The following SNX30 variants were observed in gnomAD, a reference collection of about 807,000 sequenced individuals.
The protein encoded by SNX30 is sorting nexin family member 30.
Under a neutral mutation model 46.4 loss-of-function variants are expected in SNX30, and 24 were observed. The ratio of observed to expected loss-of-function variants is 0.52; its 90% confidence interval spans 0.37 to 0.73. SNX30 has a LOEUF of 0.73. Among genes scored for constraint, SNX30 ranks in the 30% least tolerant of loss-of-function variants. The pLI is 0.00. For missense variants in SNX30, 533 were observed against 555.7 expected, an observed-to-expected ratio of 0.96 and a Z score of 0.41; for synonymous variants, 189 against 211.5, an observed-to-expected ratio of 0.89 and a Z score of 0.92.
chr9:112,813,763 C>T (rs1840355844), intron 2 of SNX30, among the ~76,000 whole-genome samples: 1 of 151,172 alleles, frequency 6.6e-6, no homozygotes, highest in Admixed American at 6.6e-5. Context: ...CATGAGCCAC[C>T]ACTCCTGGCT....
intron 1 of SNX30, among the ~76,000 whole-genome samples, chr9:112,798,303 A>G (rs1346529022): frequency 1.8e-5 from 1 of 56,828 alleles, no homozygotes; most frequent in South Asian, 7.1e-4. Context: ...CACAGTCCCC[A>G]GAGTGTGATA....
At chr9:112,843,035 G>C (rs547950985) in intron 6 of SNX30, among the ~76,000 whole-genome samples, 2 of 152,298 alleles carry the variant, frequency 1.3e-5, no homozygotes, top group Non-Finnish European at 2.9e-5. Context: ...AATGAAATTA[G>C]GGTAGTGATG....
chr9:112,828,290 A>G (rs1840606728), intron 3 of SNX30, among the ~76,000 whole-genome samples: 1 of 152,114 alleles, frequency 6.6e-6, no homozygotes, highest in Admixed American at 6.6e-5. Flanking sequence ...ATGTTTAGGT[A>G]CCCAAGTACT....
chr9:112,818,479 C>G (rs141337709), intron 3 of SNX30, among the ~76,000 whole-genome samples: 2 of 152,240 alleles, frequency 1.3e-5, no homozygotes, highest in Non-Finnish European at 2.9e-5. Flanking sequence ...ATCCACCGAC[C>G]TCAGCCTCCC....
chr9:112,752,880 G>T (rs1839298303), intron 1 of SNX30, among the ~76,000 whole-genome samples: 1 of 152,178 alleles, frequency 6.6e-6, no homozygotes, highest in African/African-American at 2.4e-5. Context: ...GATTAGGGGA[G>T]GATCCACTTC....
intron 1 of SNX30, among the ~76,000 whole-genome samples, chr9:112,780,976 G>A (rs916010195): frequency 1.3e-5 from 2 of 152,162 alleles, no homozygotes; most frequent in Admixed American, 6.5e-5. Flanking sequence ...GATTCAGCCC[G>A]TCACAGAGTC....
intron 1 of SNX30, among the ~76,000 whole-genome samples, chr9:112,757,777 G>A (rs1205486551): frequency 2.0e-5 from 3 of 152,014 alleles, no homozygotes; most frequent in Admixed American, 1.3e-4. Context: ...GCCCATCTCC[G>A]TGGTTGCTCC....
At chr9:112,752,014 A>C (rs1839286395) in intron 1 of SNX30, among the ~76,000 whole-genome samples, 1 of 152,172 alleles carries the variant, frequency 6.6e-6, no homozygotes. Context: ...CTTAGTCACT[A>C]ACTGCAGAAA....
At chr9:112,852,676 G>C (rs1186715074) in intron 7 of SNX30, among the ~76,000 whole-genome samples, 1 of 152,216 alleles carries the variant, frequency 6.6e-6, no homozygotes, top group Non-Finnish European at 1.5e-5. Context: ...ATGGTACCCT[G>C]CAGTTTGACT....
At chr9:112,879,447 G>T (rs1841551569), downstream of SNX30, 1 of 281,210 alleles carries the variant, frequency 3.6e-6, no homozygotes. Context: ...GGAGTCTGAA[G>T]CCCCTCACAG....
chr9:112,772,078 T>G (rs1839660267), intron 1 of SNX30, among the ~76,000 whole-genome samples: 1 of 152,182 alleles, frequency 6.6e-6, no homozygotes, highest in Non-Finnish European at 1.5e-5. Flanking sequence ...GCAGAGGACT[T>G]TCCTTGCCTA....
chr9:112,879,821 T>C, downstream of SNX30: 1 of 1,612,588 alleles, frequency 6.2e-7, no homozygotes, highest in Non-Finnish European at 8.5e-7. Context: ...GCCACGATGC[T>C]GTAAGAATTG....
Position 112,857,956 on chromosome 9 carries a change from C to G in SNX30, c.1102-6291C>G, listed in dbSNP as rs556982513. On this transcript the variant is annotated intron_variant, in intron 7 of 8. Transcript: ENST00000374232. Reference sequence around the variant, plus strand: ...GCACACAGAAATGCACAGTCCCATCCACGTGACTCTTCTGTCATTGCACTA... The same window carrying G: ...GCACACAGAAATGCACAGTCCCATCGACGTGACTCTTCTGTCATTGCACTA... Among the ~76,000 whole-genome samples, 316 of 152,320 alleles carry G rather than the reference C, an allele frequency of 2.1e-3. 1 individual carries two copies. Among genetic ancestry groups the G allele is most frequent in the African/African-American group, 7.2e-3 (299 of 41,580 alleles).
intron 3 of SNX30, among the ~76,000 whole-genome samples, chr9:112,827,502 A>T (rs1034927518): frequency 1.4e-4 from 22 of 152,208 alleles, no homozygotes; most frequent in African/African-American, 4.8e-4. Flanking sequence ...GAATTCCCTC[A>T]TACTCCAAAT....
intron 3 of SNX30, 129 bp downstream of exon 3, chr9:112,817,944 G>A (rs2131422285): frequency 1.5e-6 from 1 of 670,498 alleles, no homozygotes; most frequent in South Asian, 1.7e-5. Context: ...CATGTTAACG[G>A]ACACTGTATA....
intron 4 of SNX30, among the ~76,000 whole-genome samples, chr9:112,835,368 C>T (rs906079179): frequency 2.0e-5 from 3 of 152,118 alleles, no homozygotes; most frequent in Non-Finnish European, 2.9e-5. Flanking sequence ...TGAAGTGGCA[C>T]GATCTCAATT....
chr9:112,874,068 G>A lies in SNX30; in HGVS notation c.*5225G>A, dbSNP rs1841485479. Reference sequence around the variant, plus strand: ...TGTTGGACAGGATTGATTGTTCGCAGTCTTAGACCAACACTTCAGTCAGAA... The same window carrying A: ...TGTTGGACAGGATTGATTGTTCGCAATCTTAGACCAACACTTCAGTCAGAA... On this transcript the variant is annotated 3_prime_UTR_variant, in exon 9 of 9. Coordinates refer to ENST00000374232, the MANE Select transcript of SNX30 (RefSeq NM_001012994.2). The A allele has an allele frequency of 1.3e-5, 2 of 152,228 alleles. No homozygotes were observed. The allele number at this position is 152,228 out of a possible 1,614,324, so 9.4% of individuals were successfully genotyped here.
rs1421194447 is a variant in SNX30 at position 112,751,083 on chromosome 9, AGCAGC to A, written c.84_88del (p.Ser28ArgfsTer7). ...CATGCCGCACCCGCTGGCCGGCTCC[AGCAGC>A]GAGGAGGCCGTGGGTGGTGACAGCA... On this transcript the variant is annotated frameshift_variant, in exon 1 of 9. Coordinates refer to ENST00000374232, the MANE Select transcript of SNX30 (RefSeq NM_001012994.2). LOFTEE classifies it high-confidence loss of function. 6.6e-7 allele frequency: 1 copy of A among 1,511,072 alleles called. No homozygotes were observed. Among genetic ancestry groups the A allele is most frequent in the Non-Finnish European group, 8.8e-7 (1 of 1,136,822 alleles). The allele number at this position is 1,511,072 out of a possible 1,614,324, so 93.6% of individuals were successfully genotyped here.
chr9:112,869,599 GA>G lies in SNX30; in HGVS notation c.*763del, dbSNP rs1277633161. ...AGATTGGAAACTTTTTGTGTAAAAT[GA>G]AAAAAACAAAGTGCTGGTTTTTTTT... On this transcript the variant is annotated 3_prime_UTR_variant, in exon 9 of 9. Transcript: ENST00000374232. 6.8e-5 allele frequency: 10 copies of G among 147,156 alleles called. No homozygotes were observed. Among genetic ancestry groups the G allele is most frequent in the Non-Finnish European group, 1.2e-4 (8 of 66,700 alleles). 9.1% of individuals were successfully genotyped at this position (147,156 alleles called of 1,614,324 possible). A position where few individuals can be genotyped will look rare whatever the true frequency, so the allele number is the denominator to read the frequency against.
Sources: allele counts gnomAD v4.1 joint callset (sites outside exome capture counted in the v4.1 genomes callset), GRCh38; gene constraint gnomAD v4.1.1; transcripts MANE v1.5; gene names NCBI Gene and HGNC (gene_info 2026-07-23, HGNC 2026-07-21).